NDRG3: variants seen among roughly 807,000 people sequenced by gnomAD.
NDRG3 encodes NDRG family member 3.
A neutral mutation model predicts 57.2 loss-of-function variants in NDRG3; 23 were observed. That is an observed-to-expected ratio of 0.40 (90% CI 0.29 to 0.57). The LOEUF is 0.57. NDRG3 is among the 20% of genes least tolerant of loss of function. The pLI is 0.42. For missense variants in NDRG3, 384 were observed against 457.3 expected (o/e 0.84, Z 1.46); for synonymous variants, 132 against 162.6 (o/e 0.81, Z 1.43).
intron 4 of NDRG3, among the ~76,000 whole-genome samples, chr20:36,688,008 A>G (rs535596863): frequency 1.3e-5 from 2 of 152,366 alleles, no homozygotes; most frequent in East Asian, 1.9e-4. Flanking sequence ...AGCTGTTCAC[A>G]TTCACCACAC....
rs1978343470 is a variant in NDRG3, at chr20:36,653,019, T to C, written c.*501A>G. 6.5e-6 allele frequency: 1 copy of C among 152,730 alleles called. No individual in the cohort carries two copies. Among genetic ancestry groups the C allele is most frequent in the Non-Finnish European group, 1.5e-5 (1 of 68,116 alleles). 9.5% of individuals were successfully genotyped at this position (152,730 alleles called of 1,614,324 possible). ...CACTTTGCAAATTTTGTTGACCAATTTGCAAACAAAAGAGAATGCAGTGGC... is the reference window on the plus strand; with the variant it reads ...CACTTTGCAAATTTTGTTGACCAATCTGCAAACAAAAGAGAATGCAGTGGC... On this transcript the variant is annotated 3_prime_UTR_variant, in exon 16 of 16. Coordinates refer to ENST00000349004, the MANE Select transcript of NDRG3 (RefSeq NM_032013.4). The surrounding 1 kb of genome is among the most constrained non-coding windows in gnomAD (Gnocchi z 4.2).
At chr20:36,666,538 G>A in intron 9 of NDRG3, 146 bp from the exon 10 acceptor site, 1 of 634,058 alleles carries the variant, frequency 1.6e-6, no homozygotes, top group South Asian at 1.9e-5. Context: ...TGATGTACTG[G>A]TAGGCTGAAT....
chr20:36,699,412 G>T (rs1159253503), intron 3 of NDRG3, among the ~76,000 whole-genome samples: 1 of 152,116 alleles, frequency 6.6e-6, no homozygotes, highest in Non-Finnish European at 1.5e-5. Context: ...GAGGCAGCAA[G>T]AAAAAGGGAG....
chr20:36,687,512 A>G lies in NDRG3; in HGVS notation c.300T>C (p.Gly100=). Residue 100 remains glycine, a synonymous_variant, in exon 5 of 16, where the codon GGT becomes GGC. Transcript: ENST00000349004. ...CHVDAPGQQE[G]APSFPTGYQY... is the part of the protein sequence containing the mutation. ...CTTACCCTGTTGGGAAAGAGGGTGCACCTTCCTGCTGGCCTGGGGCATCCA... is the reference window on the plus strand; with the variant it reads ...CTTACCCTGTTGGGAAAGAGGGTGCGCCTTCCTGCTGGCCTGGGGCATCCA... 1 of 1,613,810 alleles carries G rather than the reference A, an allele frequency of 6.2e-7. No individual in the cohort carries two copies. The highest frequency in any genetic ancestry group is 8.5e-7 in the Non-Finnish European group (1 of 1,179,948).
chr20:36,675,123 G>A (rs910736361), intron 8 of NDRG3, among the ~76,000 whole-genome samples: 1 of 142,804 alleles, frequency 7.0e-6, no homozygotes, highest in Non-Finnish European at 1.5e-5. Context: ...GCAGTGGCAT[G>A]ATCTTGACTC....
intron 3 of NDRG3, among the ~76,000 whole-genome samples, chr20:36,704,801 C>G (rs2056713364): frequency 6.6e-6 from 1 of 152,156 alleles, no homozygotes; most frequent in Admixed American, 6.5e-5. Flanking sequence ...AAATCTGTAA[C>G]TGTACTATGA....
chr20:36,664,388 T>C (rs1600859109), intron 12 of NDRG3, among the ~76,000 whole-genome samples: 3 of 152,190 alleles, frequency 2.0e-5, no homozygotes, highest in Admixed American at 6.6e-5. Context: ...CCAAGTGCTA[T>C]GTCCTTCAGA....
At chr20:36,686,563 CAG>C (rs1981799326) in intron 5 of NDRG3, among the ~76,000 whole-genome samples, 1 of 152,210 alleles carries the variant, frequency 6.6e-6, no homozygotes, top group African/African-American at 2.4e-5. Context: ...TAGCATTCCA[CAG>C]AGTGTGTGCT....
chr20:36,733,086 A>G (rs1275257), intron 1 of NDRG3, among the ~76,000 whole-genome samples: 8,681 of 145,992 alleles, frequency 0.059, 940 homozygotes, highest in African/African-American at 0.21. Context: ...GGTGAAGGCT[A>G]CAGCAAGCTG....
intron 1 of NDRG3, among the ~76,000 whole-genome samples, chr20:36,734,004 G>T (rs1006764784): frequency 6.6e-5 from 10 of 152,196 alleles, no homozygotes; most frequent in Non-Finnish European, 1.2e-4. Context: ...ATGGCACCGT[G>T]AGCTAAAACA....
At chr20:36,744,954 G>A (rs1392877471) in intron 1 of NDRG3, among the ~76,000 whole-genome samples, 2 of 144,176 alleles carry the variant, frequency 1.4e-5, no homozygotes, top group African/African-American at 5.2e-5. Flanking sequence ...AATATCCCCT[G>A]AGGGCCAGGG....
chr20:36,706,199 G>A (rs529581981), intron 3 of NDRG3, among the ~76,000 whole-genome samples: 1 of 152,296 alleles, frequency 6.6e-6, no homozygotes, highest in Admixed American at 6.5e-5. Context: ...GAGTCAAGTT[G>A]AATTTTGCAT....
chr20:36,660,375 T>C lies in NDRG3; in HGVS notation c.820A>G (p.Asn274Asp). 1 of 1,608,478 alleles carries C rather than the reference T, an allele frequency of 6.2e-7. No individual in the cohort carries two copies. The highest frequency in any genetic ancestry group is 8.5e-7 in the Non-Finnish European group (1 of 1,176,604). Residue 274 changes from asparagine to aspartate, a missense_variant, in exon 13 of 16, where the codon AAT becomes GAT. Transcript: ENST00000349004. ...GTATTTATAGGGTTCAGGCGGGAAT[T>C]GCATTCGACCTAAAATTTAAAAAAA... is the stretch of plus-strand genomic sequence containing the variant. The part of the protein sequence containing the change: ...SPAVEAVVEC[N>D]SRLNPINTTL...
intron 9 of NDRG3, among the ~76,000 whole-genome samples, chr20:36,667,532 C>T (rs1979738709): frequency 6.6e-6 from 1 of 152,096 alleles, no homozygotes; most frequent in Non-Finnish European, 1.5e-5. Context: ...CCCTCTCCAC[C>T]ACCCACTGTT....
chr20:36,674,594 GCT>G (rs1980485834), intron 8 of NDRG3, among the ~76,000 whole-genome samples: 1 of 134,496 alleles, frequency 7.4e-6, no homozygotes, highest in African/African-American at 3.0e-5. Flanking sequence ...TATCAATAAA[GCT>G]TTTTTTTTTT....
intron 2 of NDRG3, among the ~76,000 whole-genome samples, chr20:36,719,051 C>T (rs1395669517): frequency 1.3e-5 from 2 of 152,066 alleles, no homozygotes; most frequent in African/African-American, 4.8e-5. Context: ...CCTTCACATA[C>T]ACACATACAC....
At chr20:36,723,310 T>C (rs1213738284) in intron 1 of NDRG3, among the ~76,000 whole-genome samples, 1 of 152,156 alleles carries the variant, frequency 6.6e-6, no homozygotes, top group East Asian at 1.9e-4. Context: ...AAATTCTTCT[T>C]CTATCTCACC....
At chr20:36,716,622 T>C (rs1303291855) in intron 2 of NDRG3, among the ~76,000 whole-genome samples, 1 of 152,202 alleles carries the variant, frequency 6.6e-6, no homozygotes, top group East Asian at 1.9e-4. Context: ...TACTAAACAT[T>C]TATTCCCCTT....
At chr20:36,731,261 G>A (rs537629590) in intron 1 of NDRG3, among the ~76,000 whole-genome samples, 51 of 152,106 alleles carry the variant, frequency 3.4e-4, no homozygotes, top group African/African-American at 1.2e-3. Context: ...GAACCAGTAA[G>A]AGACAAAGAA....
Sources: gnomAD v4.1 joint callset for allele counts (sites outside exome capture counted in the v4.1 genomes callset) on GRCh38, gnomAD v4.1.1 for gene constraint, Gnocchi (gnomAD v3.1) non-coding constraint, MANE v1.5 for transcripts, NCBI Gene and HGNC (gene_info 2026-07-23, HGNC 2026-07-21) for gene names.